VPS4A: variants seen among roughly 807,000 people sequenced by gnomAD.
VPS4A encodes the protein vacuolar protein sorting 4 homolog A.
Under a neutral mutation model 52.3 loss-of-function variants are expected in VPS4A, and 20 were observed. The ratio of observed to expected loss-of-function variants is 0.38; its 90% CI spans 0.27 to 0.56. The LOEUF (loss-of-function observed/expected upper bound fraction) is 0.56, where lower values mean the gene tolerates loss of function less well. Among genes scored for constraint, VPS4A ranks in the 20% least tolerant of loss-of-function variants. The pLI is 0.72. For missense variants in VPS4A, 419 were observed against 575.9 expected (o/e 0.73, Z 2.79); for synonymous variants, 293 against 227.7 (o/e 1.29, Z -2.58).
chr16:69,316,380 T>C lies in VPS4A; in HGVS notation c.281+8T>C. 1 of 1,613,318 alleles carries C rather than the reference T, an allele frequency of 6.2e-7. No individual in the cohort carries two copies. ...CCAGAGTGAGGGCAAGGGGTGAGTGTCTGCAGCGTCCGCCCAGGAACCTGG... is the reference window on the plus strand; with the variant it reads ...CCAGAGTGAGGGCAAGGGGTGAGTGCCTGCAGCGTCCGCCCAGGAACCTGG... On this transcript the variant is annotated splice_region_variant and intron_variant, in intron 3 of 10. Transcript: ENST00000254950.
In VPS4A at chr16:69,326,766, C is replaced by T. The variant is rs531927069; in HGVS notation, c.*2457C>T. 6 of 152,308 alleles carry T rather than the reference C, an allele frequency of 3.9e-5. No homozygotes were observed. Among genetic ancestry groups the T allele is most frequent in the Admixed American group, 3.9e-4 (6 of 15,292 alleles). The allele number at this position is 152,308 out of a possible 1,614,324, so 9.4% of individuals were successfully genotyped here. ...AATGCTCTGAAATTCACTTCTCTGCCTGGGGATTCTGTTATAAACCTTCTG... is the reference window on the plus strand; with the variant it reads ...AATGCTCTGAAATTCACTTCTCTGCTTGGGGATTCTGTTATAAACCTTCTG... On this transcript the variant is annotated 3_prime_UTR_variant, in exon 11 of 11. Transcript: ENST00000254950.
At chr16:69,323,276 C>G in intron 10 of VPS4A, 1 of 186,780 alleles carries the variant, frequency 5.4e-6, no homozygotes, top group Admixed American at 5.7e-5. Flanking sequence ...CTGACCTCAG[C>G]CTCCTGAGTA....
At position 69,324,303 on chromosome 16, in the gene VPS4A, G is replaced by A. The variant is rs1340758447; in HGVS notation, c.1308G>A (p.Glu436=). ...AATTCTCAGAGGACTTTGGGCAAGA[G>A]AGTTAAAAGCTGCTTCACTTGGGCA... ...VKKFSEDFGQ[E]S The change falls in exon 11 of 11, where the codon GAG becomes GAA. Residue 436 remains glutamate, a synonymous_variant. Coordinates refer to ENST00000254950, the MANE Select transcript of VPS4A (RefSeq NM_013245.3). 1.2e-6 allele frequency: 2 copies of A among 1,613,556 alleles called. No individual in the cohort carries two copies. Among genetic ancestry groups the A allele is most frequent in the African/African-American group, 1.3e-5 (1 of 74,946 alleles).
chr16:69,319,579 C>T (rs779457791), intron 6 of VPS4A, 36 bp downstream of exon 6: 6 of 1,590,612 alleles, frequency 3.8e-6, no homozygotes, highest in East Asian at 2.3e-5. Context: ...TGCCAGCAGC[C>T]CCGGCACTGC....
Position 69,317,953 on chromosome 16 carries a change from CAAAAAAAAAA to C in VPS4A, c.282-684_282-675del, listed in dbSNP as rs35907075. 8.8e-3 allele frequency among the ~76,000 whole-genome samples: 406 copies of C among 46,066 alleles called. 3 individuals are homozygous for C. Among genetic ancestry groups the C allele is most frequent in the African/African-American group, 0.027 (339 of 12,704 alleles). The allele number at this position is 46,066 out of a possible 152,430, so 30.2% of individuals were successfully genotyped here. On this transcript the variant is annotated intron_variant, in intron 3 of 10. Transcript: ENST00000254950. ...TCGCACTCCAACCTGGGCACCATCTCAAAAAAAAAAAAAAAAAAAAAAGAAGCTTCTGGCA... is the reference window on the plus strand; with the variant it reads ...TCGCACTCCAACCTGGGCACCATCTCAAAAAAAAAAAAGAAGCTTCTGGCA...
chr16:69,312,621 T>C (rs1965390111), intron 1 of VPS4A, among the ~76,000 whole-genome samples: 1 of 152,202 alleles, frequency 6.6e-6, no homozygotes, highest in African/African-American at 2.4e-5. Flanking sequence ...TTTTATTTAT[T>C]TATTTTTTTG....
At chr16:69,317,152 G>A (rs1965447444) in intron 3 of VPS4A, among the ~76,000 whole-genome samples, 1 of 152,188 alleles carries the variant, frequency 6.6e-6, no homozygotes, top group South Asian at 2.1e-4. Flanking sequence ...GGAGAGGTCT[G>A]GCGAGGCAGG....
In VPS4A at chr16:69,318,946, A is replaced by G. The variant is rs1965474177; in HGVS notation, c.463+4A>G. 7 of 1,611,948 alleles carry G rather than the reference A, an allele frequency of 4.3e-6. No homozygotes were observed. In the Admixed American group the frequency reaches 6.7e-5, roughly 15 times the overall value. On this transcript the variant is annotated splice_donor_region_variant and intron_variant, in intron 5 of 10. Coordinates refer to ENST00000254950, the MANE Select transcript of VPS4A (RefSeq NM_013245.3). ...AAATTCCCACACTTGTTCACAGGTG[A>G]GAGTTGAGCCATTTCAAACCCCAAT...
In VPS4A at chr16:69,321,127, A is replaced by T. The variant is rs1597214178; in HGVS notation, c.928A>T (p.Thr310Ser). Residue 310 changes from threonine (T) to serine (S), a missense_variant, in exon 9 of 11, where the codon ACT becomes TCT. Transcript: ENST00000254950. This position sits in a 1 kb window ranked among gnomAD's most constrained non-coding sequence, Gnocchi z 4.5. Reference protein sequence around the residue: ...AQMFRLHLGSTPHNLTDANIH... With the variant: ...AQMFRLHLGSSPHNLTDANIH... The stretch of plus-strand genomic sequence containing the variant: ...GATGTTCCGGTTGCATCTCGGGAGC[A>T]CTCCCCACAACCTCACGGATGCAAA... 6.3e-7 allele frequency: 1 copy of T among 1,592,886 alleles called. No homozygotes were observed. The highest frequency in any genetic ancestry group is 8.5e-7 in the Non-Finnish European group (1 of 1,170,108).
chr16:69,319,568 C>G, intron 6 of VPS4A, 25 bp downstream of exon 6: 1 of 1,600,004 alleles, frequency 6.2e-7, no homozygotes, highest in Non-Finnish European at 8.5e-7. Context: ...AGGCCATGCT[C>G]TGCCAGCAGC....
At chr16:69,322,191 A>G (rs1965521702) in intron 9 of VPS4A, 1 of 170,332 alleles carries the variant, frequency 5.9e-6, no homozygotes, top group East Asian at 1.7e-4. Flanking sequence ...ACCAGCCCCC[A>G]TGATTCAGTT....
intron 10 of VPS4A, chr16:69,323,784 T>C: frequency 2.6e-6 from 1 of 388,850 alleles, no homozygotes; most frequent in South Asian, 1.9e-5. Flanking sequence ...ACCCCGTCTC[T>C]GCTAAAAATA....
chr16:69,320,735 A>T lies in VPS4A; in HGVS notation c.817A>T (p.Ile273Phe). 6.2e-7 allele frequency: 1 copy of T among 1,609,192 alleles called. No individual in the cohort carries two copies. The change falls in exon 8 of 11, where the codon ATC (isoleucine) becomes TTC (phenylalanine). Residue 273 changes from isoleucine (I) to phenylalanine (F), a missense_variant. Transcript: ENST00000254950. The surrounding 1 kb of genome is among the most constrained non-coding windows in gnomAD (Gnocchi z 4.2). ...DGTLVLGATNIPWVLDSAIRR... is the reference protein window; with the variant it reads ...DGTLVLGATNFPWVLDSAIRR... ...GACTCTGGTTCTTGGAGCCACAAAC[A>T]TCCCATGGGTGTTGGATTCGGCCAT...
intron 10 of VPS4A, 176 bp downstream of exon 10, chr16:69,322,876 T>C: frequency 1.6e-6 from 1 of 627,682 alleles, no homozygotes; most frequent in Non-Finnish European, 2.4e-6. Flanking sequence ...GAGACCAGCC[T>C]AGCCAATATG....
Position 69,326,760 on chromosome 16 carries a change from C to G in VPS4A, c.*2451C>G, listed in dbSNP as rs1294569376. 1 of 152,222 alleles carries G rather than the reference C, an allele frequency of 6.6e-6. No homozygotes were observed. Among genetic ancestry groups the G allele is most frequent in the Non-Finnish European group, 1.5e-5 (1 of 68,046 alleles). The allele number at this position is 152,222 out of a possible 1,614,324, so 9.4% of individuals were successfully genotyped here. On this transcript the variant is annotated 3_prime_UTR_variant, in exon 11 of 11. Coordinates refer to ENST00000254950, the MANE Select transcript of VPS4A (RefSeq NM_013245.3). Reference sequence around the variant, plus strand: ...CCCTGAAATGCTCTGAAATTCACTTCTCTGCCTGGGGATTCTGTTATAAAC... The same window carrying G: ...CCCTGAAATGCTCTGAAATTCACTTGTCTGCCTGGGGATTCTGTTATAAAC...
At chr16:69,322,496 C>T (rs1306337016) in intron 9 of VPS4A, 64 bp from the exon 10 acceptor site, 37 of 1,515,264 alleles carry the variant, frequency 2.4e-5, no homozygotes, top group Non-Finnish European at 2.9e-5. Flanking sequence ...CCTTAGAGAC[C>T]GGAGGGGTCG....
chr16:69,314,424 G>A (rs1342122226), intron 1 of VPS4A, among the ~76,000 whole-genome samples: 4 of 152,096 alleles, frequency 2.6e-5, no homozygotes, highest in African/African-American at 9.7e-5. Context: ...TACTGGGGGT[G>A]TGTGTTCTGG....
In VPS4A at chr16:69,320,917, G is replaced by C; in HGVS notation, c.852-134G>C. On this transcript the variant is annotated intron_variant, in intron 8 of 10. Coordinates refer to ENST00000254950, the MANE Select transcript of VPS4A (RefSeq NM_013245.3). This position sits in a 1 kb window ranked among gnomAD's most constrained non-coding sequence, Gnocchi z 4.2. ...CCAAGCAGAGCCCTTTGTGAGGCTG[G>C]CTTGTTGAGGATGTGCCGCCAGCAT... 3 of 1,233,462 alleles carry C rather than the reference G, an allele frequency of 2.4e-6. No homozygotes were observed. In the East Asian group the frequency reaches 7.6e-5, roughly 31 times the overall value. 76.4% of individuals were successfully genotyped at this position (1,233,462 alleles called of 1,614,324 possible).
Position 69,324,304 on chromosome 16 carries a change from A to T in VPS4A, c.1309A>T (p.Ser437Cys). 3 of 1,613,564 alleles carry T rather than the reference A, an allele frequency of 1.9e-6. No homozygotes were observed. The highest frequency in any genetic ancestry group is 2.5e-6 in the Non-Finnish European group (3 of 1,179,736). The change falls in exon 11 of 11, where the codon AGT becomes TGT. Residue 437 changes from serine (S) to cysteine (C), a missense_variant. By Grantham distance (112) the Ser-to-Cys change is moderately radical. Transcript: ENST00000254950. Reference protein sequence around the residue: ...KKFSEDFGQES With the variant: ...KKFSEDFGQEC Reference sequence around the variant, plus strand: ...ATTCTCAGAGGACTTTGGGCAAGAGAGTTAAAAGCTGCTTCACTTGGGCAA... The same window carrying T: ...ATTCTCAGAGGACTTTGGGCAAGAGTGTTAAAAGCTGCTTCACTTGGGCAA...
Sources: gnomAD v4.1 joint callset for allele counts (sites outside exome capture counted in the v4.1 genomes callset) on GRCh38, gnomAD v4.1.1 for gene constraint, Gnocchi (gnomAD v3.1) non-coding constraint, MANE v1.5 for transcripts, NCBI Gene and HGNC (gene_info 2026-07-23, HGNC 2026-07-21) for gene names.